Variants in PTPRT observed in about 807,000 individuals in gnomAD.
The protein encoded by PTPRT is protein tyrosine phosphatase receptor type T.
A neutral mutation model predicts 176.8 loss-of-function variants in PTPRT; 56 were observed. The observed-to-expected ratio is 0.32, with a 90% CI of 0.26 to 0.40. The LOEUF (loss-of-function observed/expected upper bound fraction) is 0.40. Among genes scored for constraint, PTPRT ranks in the 10% least tolerant of loss-of-function variants. The pLI, the probability that PTPRT is intolerant of heterozygous loss-of-function variation, is 1.00. For synonymous variants in PTPRT, 783 were observed against 739.0 expected (o/e 1.06, Z -0.96); for missense variants, 1,540 against 1,908.2 (o/e 0.81, Z 3.60).
At chr20:42,963,687 T>C (rs1982136305) in intron 1 of PTPRT, among the ~76,000 whole-genome samples, 1 of 151,786 alleles carries the variant, frequency 6.6e-6, no homozygotes, top group Non-Finnish European at 1.5e-5. Context: ...ACTGAGAAAA[T>C]GAGTAAGGCT....
intron 1 of PTPRT, among the ~76,000 whole-genome samples, chr20:42,990,779 G>T (rs1983865280): frequency 6.6e-6 from 1 of 152,086 alleles, no homozygotes; most frequent in Admixed American, 6.6e-5. Flanking sequence ...GGAATAAAAT[G>T]GTGACACAAA....
intron 1 of PTPRT, among the ~76,000 whole-genome samples, chr20:43,011,060 G>C (rs950629340): frequency 6.6e-6 from 1 of 152,182 alleles, no homozygotes; most frequent in Non-Finnish European, 1.5e-5. Flanking sequence ...CTGCTTATTC[G>C]TTAGGTATTC....
At chr20:43,138,451 AT>A (rs2146394951) in intron 1 of PTPRT, among the ~76,000 whole-genome samples, 1 of 152,328 alleles carries the variant, frequency 6.6e-6, no homozygotes, top group South Asian at 2.1e-4. Flanking sequence ...CCCTGTCTCC[AT>A]GAGCCTCAGT....
chr20:42,510,755 T>G (rs2071940232), intron 7 of PTPRT, among the ~76,000 whole-genome samples: 1 of 152,138 alleles, frequency 6.6e-6, no homozygotes, highest in African/African-American at 2.4e-5. Context: ...TTCTCTCTAT[T>G]CATCGTGCAG....
At chr20:42,426,019 T>A (rs766068354) in intron 9 of PTPRT, among the ~76,000 whole-genome samples, 3 of 152,078 alleles carry the variant, frequency 2.0e-5, no homozygotes, top group Non-Finnish European at 4.4e-5. Flanking sequence ...GGTACCCAAA[T>A]GCTGGATTAA....
intron 7 of PTPRT, among the ~76,000 whole-genome samples, chr20:42,656,492 A>C (rs2075127632): frequency 6.6e-6 from 1 of 152,204 alleles, no homozygotes; most frequent in Non-Finnish European, 1.5e-5. Context: ...AAAACAGAGA[A>C]GAATAAAGGC....
At chr20:42,415,587 T>C (rs930081710) in intron 9 of PTPRT, among the ~76,000 whole-genome samples, 1 of 152,204 alleles carries the variant, frequency 6.6e-6, no homozygotes, top group African/African-American at 2.4e-5. Flanking sequence ...ATAATAGTAA[T>C]GACCTCAGAT....
intron 7 of PTPRT, among the ~76,000 whole-genome samples, chr20:42,509,438 A>G (rs1340074266): frequency 1.2e-5 from 1 of 84,836 alleles, no homozygotes; most frequent in African/African-American, 4.9e-5. Flanking sequence ...TATAAATTAT[A>G]TAATTTATAT....
At chr20:42,559,606 C>T (rs567112237) in intron 7 of PTPRT, among the ~76,000 whole-genome samples, 20 of 152,242 alleles carry the variant, frequency 1.3e-4, no homozygotes, top group South Asian at 1.2e-3. Flanking sequence ...CTACAGGGCA[C>T]GGCATGACAT....
intron 1 of PTPRT, among the ~76,000 whole-genome samples, chr20:42,954,258 G>T (rs1981473071): frequency 6.6e-6 from 1 of 152,206 alleles, no homozygotes. Flanking sequence ...AAGCAGATCA[G>T]ATTTTCCTGT....
intron 1 of PTPRT, among the ~76,000 whole-genome samples, chr20:43,011,929 T>C (rs1339825639): frequency 1.3e-5 from 2 of 152,206 alleles, no homozygotes; most frequent in African/African-American, 2.4e-5. Context: ...GGATGCTTCC[T>C]GCCCTCGAAC....
At chr20:42,887,746 T>C (rs1176054226) in intron 1 of PTPRT, among the ~76,000 whole-genome samples, 1 of 152,196 alleles carries the variant, frequency 6.6e-6, no homozygotes, top group Non-Finnish European at 1.5e-5. Context: ...TTTCCTTTCT[T>C]GTTGGATATG....
chr20:42,771,196 C>G (rs768005269), intron 5 of PTPRT, among the ~76,000 whole-genome samples: 8 of 152,164 alleles, frequency 5.3e-5, no homozygotes, highest in Non-Finnish European at 1.2e-4. Flanking sequence ...CCCCAGGAAA[C>G]TCCTCACTTA....
chr20:42,623,126 C>G (rs1035546292), intron 7 of PTPRT, among the ~76,000 whole-genome samples: 6 of 152,244 alleles, frequency 3.9e-5, no homozygotes, highest in Admixed American at 6.5e-5. Context: ...AAAAAGACCC[C>G]CACATTCACT....
chr20:42,843,273 G>A (rs2078310793), intron 2 of PTPRT, among the ~76,000 whole-genome samples: 1 of 152,212 alleles, frequency 6.6e-6, no homozygotes, highest in African/African-American at 2.4e-5. Context: ...ATTACACAGT[G>A]CACATCTCAT....
intron 7 of PTPRT, among the ~76,000 whole-genome samples, chr20:42,489,073 T>G (rs2071515105): frequency 6.6e-6 from 1 of 151,426 alleles, no homozygotes; most frequent in African/African-American, 2.4e-5. Context: ...TTGCTGATTC[T>G]CAAGGTTTTA....
At chr20:42,327,768 T>G (rs2057906852) in intron 11 of PTPRT, among the ~76,000 whole-genome samples, 1 of 152,014 alleles carries the variant, frequency 6.6e-6, no homozygotes, top group Non-Finnish European at 1.5e-5. Context: ...TAGAACAATT[T>G]ACAAAAGACA....
At chr20:42,495,294 C>G (rs373181798) in intron 7 of PTPRT, among the ~76,000 whole-genome samples, 2 of 152,148 alleles carry the variant, frequency 1.3e-5, no homozygotes, top group Admixed American at 1.3e-4. Flanking sequence ...GTGGTAGGTT[C>G]AGCACTTTAA....
At chr20:42,039,293 C>G in the PTPRT span, among the ~76,000 whole-genome samples, 159 of 152,100 alleles carry the variant, frequency 1.0e-3, 3 homozygotes, top group South Asian at 0.032. Flanking sequence ...GGTAAAATGG[C>G]TAAATAAAGC....
Sources: allele counts gnomAD v4.1 joint callset (sites outside exome capture counted in the v4.1 genomes callset), GRCh38; gene constraint gnomAD v4.1.1; transcripts MANE v1.5; gene names NCBI Gene and HGNC (gene_info 2026-07-23, HGNC 2026-07-21).